The following PYGO1 variants were observed in gnomAD, a reference collection of about 807,000 sequenced individuals.
PYGO1 encodes the protein pygopus family PHD finger 1, also known as pygopus homolog 1.
Under a neutral mutation model 29.5 loss-of-function variants are expected in PYGO1, and 6 were observed. The ratio of observed to expected loss-of-function variants is 0.20; its 90% CI spans 0.11 to 0.40. The LOEUF is 0.40. Ranked by LOEUF, PYGO1 falls within the 10% of genes least tolerant of loss-of-function variation. The pLI is 1.00. For missense variants in PYGO1, 515 were observed against 514.9 expected (o/e 1.00, Z 0.00); for synonymous variants, 186 against 180.5 (o/e 1.03, Z -0.24).
Position 55,588,103 on chromosome 15 carries a change from G to A in PYGO1, c.-220C>T, listed in dbSNP as rs1394320158. ...GGCGGCGGGGCGGCGTGCGGGCACC[G>A]GCGGGGCTCAGCGGCGGTGGCCGGG... On this transcript the variant is annotated 5_prime_UTR_variant, in exon 1 of 3. Transcript: ENST00000563719. 1.4e-5 allele frequency: 14 copies of A among 989,398 alleles called. 1 individual carries two copies. In the South Asian group the frequency reaches 5.5e-4, roughly 39 times the overall value. 61.3% of individuals were successfully genotyped at this position (989,398 alleles called of 1,614,324 possible).
At chr15:55,564,332 A>G (rs34509025) in intron 1 of PYGO1, among the ~76,000 whole-genome samples, 2 of 152,230 alleles carry the variant, frequency 1.3e-5, no homozygotes, top group Non-Finnish European at 2.9e-5. Context: ...CACATGTTGC[A>G]TGATTCCATT....
chr15:55,568,732 T>C (rs1898736), intron 1 of PYGO1, among the ~76,000 whole-genome samples: 67,357 of 152,048 alleles, frequency 0.44, 18,593 homozygotes, highest in Non-Finnish European at 0.62. Context: ...GGGTTTGTCA[T>C]AGAGGGCTCT....
intron 1 of PYGO1, among the ~76,000 whole-genome samples, chr15:55,553,918 A>G (rs1385976386): frequency 6.6e-6 from 1 of 152,122 alleles, no homozygotes; most frequent in Non-Finnish European, 1.5e-5. Flanking sequence ...ACCCCCAGCA[A>G]ACTGCAGCAG....
chr15:55,582,707 A>C (rs1012151551), intron 1 of PYGO1, among the ~76,000 whole-genome samples: 3 of 152,200 alleles, frequency 2.0e-5, no homozygotes, highest in Non-Finnish European at 4.4e-5. Context: ...ATACACTGGA[A>C]TATCCCAGGA....
At position 55,588,333 on chromosome 15, in the gene PYGO1, G is replaced by A. The variant is rs1021620506; in HGVS notation, c.-450C>T. ...GGAGGTCTGCTCTCTCGCCGCTCCC[G>A]AGTCGCAGACACAAAAGCCCCCAGA... On this transcript the variant is annotated 5_prime_UTR_variant, in exon 1 of 3. Transcript: ENST00000563719. Among the ~76,000 whole-genome samples the A allele has an allele frequency of 1.3e-5, 2 of 148,588 alleles. No homozygotes were observed. The highest frequency in any genetic ancestry group is 4.9e-5 in the African/African-American group (2 of 41,126).
At chr15:55,576,487 G>C (rs914617042) in intron 1 of PYGO1, among the ~76,000 whole-genome samples, 1 of 139,916 alleles carries the variant, frequency 7.1e-6, no homozygotes, top group Non-Finnish European at 1.5e-5. Context: ...AAAAAAGAGA[G>C]AGGCCGGGCA....
Position 55,552,361 on chromosome 15 carries a change from C to CAAAAAAAAAAA in PYGO1, c.50-3377_50-3367dup, listed in dbSNP as rs56789656. Among the ~76,000 whole-genome samples the CAAAAAAAAAAA allele has an allele frequency of 7.0e-3, 371 of 52,888 alleles. 5 individuals are homozygous for CAAAAAAAAAAA. The highest frequency in any genetic ancestry group is 0.013 in the Non-Finnish European group (302 of 22,808). 34.7% of individuals were successfully genotyped at this position (52,888 alleles called of 152,430 possible). On this transcript the variant is annotated intron_variant, in intron 1 of 2. Transcript: ENST00000563719. The stretch of plus-strand genomic sequence containing the variant: ...GGGCAAAAGAGCGAGACTCTGTCTC[C>CAAAAAAAAAAA]AAAAAAAAAAAAAAAAAAAAAAGGT...
At chr15:55,557,911 C>T (rs973272928) in intron 1 of PYGO1, among the ~76,000 whole-genome samples, 7 of 152,164 alleles carry the variant, frequency 4.6e-5, no homozygotes, top group Admixed American at 4.6e-4. Context: ...ATACTGGAAG[C>T]ATTCCCTTTG....
intron 1 of PYGO1, among the ~76,000 whole-genome samples, chr15:55,576,773 T>TG (rs1339606646): frequency 2.3e-5 from 1 of 43,558 alleles, no homozygotes; most frequent in African/African-American, 8.1e-5. Flanking sequence ...AAAAAAGAAG[T>TG]GGGGGAAAAG....
intron 1 of PYGO1, among the ~76,000 whole-genome samples, chr15:55,567,669 T>C (rs956608918): frequency 3.3e-5 from 5 of 152,192 alleles, no homozygotes; most frequent in Admixed American, 6.5e-5. Flanking sequence ...CTTAGTCATA[T>C]ATTCTTTTGC....
intron 1 of PYGO1, among the ~76,000 whole-genome samples, chr15:55,567,197 CTTTTTT>C (rs71297645): frequency 6.8e-4 from 32 of 47,082 alleles, no homozygotes; most frequent in Admixed American, 8.8e-4. Context: ...TTTTGCCCAC[CTTTTTT>C]TTTTTTTTTT....
intron 1 of PYGO1, among the ~76,000 whole-genome samples, chr15:55,575,476 T>C (rs755668148): frequency 1.3e-5 from 2 of 150,362 alleles, no homozygotes; most frequent in Non-Finnish European, 3.0e-5. Context: ...TATAAAGAAG[T>C]ATAAGCAATG....
chr15:55,546,341 T>C lies in PYGO1; in HGVS notation c.942A>G (p.Ala314=), dbSNP rs762204150. The change falls in exon 3 of 3, where the codon GCA becomes GCG. Residue 314 remains alanine, a synonymous_variant. Coordinates refer to ENST00000563719, the MANE Select transcript of PYGO1 (RefSeq NM_001367806.1). The part of the protein sequence containing the change: ...QNKPRQPRGA[A]DACTTEKSNK... The stretch of plus-strand genomic sequence containing the variant: ...TGCTTTTTTCTGTGGTGCAGGCATC[T>C]GCTGCACCTCTTGGTTGTCGTGGCT... 6 of 1,614,062 alleles carry C rather than the reference T, an allele frequency of 3.7e-6. No homozygotes were observed. The highest frequency in any genetic ancestry group is 5.1e-6 in the Non-Finnish European group (6 of 1,180,000).
intron 2 of PYGO1, among the ~76,000 whole-genome samples, chr15:55,548,212 C>T (rs1256202985): frequency 2.0e-5 from 3 of 149,398 alleles, no homozygotes; most frequent in Non-Finnish European, 4.4e-5. Context: ...TAGAGAAGGG[C>T]TTTCCCCATG....
chr15:55,585,867 A>T (rs932956306), intron 1 of PYGO1, among the ~76,000 whole-genome samples: 1 of 152,240 alleles, frequency 6.6e-6, no homozygotes, highest in Non-Finnish European at 1.5e-5. Context: ...CAGGGGAATA[A>T]TTGTATCTCA....
intron 1 of PYGO1, among the ~76,000 whole-genome samples, chr15:55,584,341 A>G (rs62021878): frequency 0.054 from 8,285 of 152,070 alleles, 281 homozygotes; most frequent in Middle Eastern, 0.072. Flanking sequence ...AAACTCCTGG[A>G]GTCAAGTAAT....
intron 1 of PYGO1, among the ~76,000 whole-genome samples, chr15:55,580,582 T>G (rs1456371851): frequency 6.6e-6 from 1 of 152,228 alleles, no homozygotes; most frequent in African/African-American, 2.4e-5. Context: ...TATTCTCACT[T>G]TGCAGCTGAG....
rs1033492701 is a variant in PYGO1, at chr15:55,552,383, A to G, written c.50-3388T>C. Among the ~76,000 whole-genome samples, 15 of 145,496 alleles carry G rather than the reference A, an allele frequency of 1.0e-4. 1 individual carries two copies. The South Asian group carries it at 2.8e-3, about 27-fold the overall frequency. The stretch of plus-strand genomic sequence containing the variant: ...CTCCAAAAAAAAAAAAAAAAAAAAA[A>G]GGTAGGGGGAGCTGTGGTCCATGGC... On this transcript the variant is annotated intron_variant, in intron 1 of 2. Coordinates refer to ENST00000563719, the MANE Select transcript of PYGO1 (RefSeq NM_001367806.1).
chr15:55,540,619 C>T lies in PYGO1; in HGVS notation c.*5404G>A, dbSNP rs568689036. On this transcript the variant is annotated 3_prime_UTR_variant, in exon 3 of 3. Transcript: ENST00000563719. ...ACTTCATAGAGTAGCTTAAAACATA[C>T]CAGCATAAGAAATAATTAGTATTAC... is the stretch of plus-strand genomic sequence containing the variant. The T allele has an allele frequency of 7.6e-4, 116 of 152,138 alleles. No individual in the cohort carries two copies. Among genetic ancestry groups the T allele is most frequent in the Non-Finnish European group, 1.4e-3 (93 of 67,960 alleles). The allele number at this position is 152,138 out of a possible 1,614,324, so 9.4% of individuals were successfully genotyped here. A position where few individuals can be genotyped will look rare whatever the true frequency, so the allele number is the denominator to read the frequency against.
Sources: allele counts gnomAD v4.1 joint callset (sites outside exome capture counted in the v4.1 genomes callset), GRCh38; gene constraint gnomAD v4.1.1; transcripts MANE v1.5; gene names NCBI Gene and HGNC (gene_info 2026-07-23, HGNC 2026-07-21).